Variants in DBH observed in about 807,000 individuals in gnomAD.
The protein encoded by DBH is dopamine beta-hydroxylase.
Under a neutral mutation model 64.0 loss-of-function variants are expected in DBH, and 49 were observed. That is an observed-to-expected ratio of 0.77 (90% CI 0.61 to 0.97). DBH has a LOEUF of 0.97. DBH is among the 50% of genes least tolerant of loss of function. DBH has a pLI of 0.00. For missense variants in DBH, 828 were observed against 826.6 expected (o/e 1.00, Z -0.02); for synonymous variants, 343 against 347.1 (o/e 0.99, Z 0.13).
chr9:133,654,303 C>T (rs1344607813), intron 9 of DBH, among the ~76,000 whole-genome samples: 11 of 152,016 alleles, frequency 7.2e-5, no homozygotes, highest in Non-Finnish European at 1.5e-4. Context: ...GGATTTTCAC[C>T]ATGTTGGCCA....
intron 3 of DBH, 137 bp downstream of exon 3, chr9:133,642,601 G>T: frequency 9.2e-7 from 1 of 1,090,812 alleles, no homozygotes; most frequent in Non-Finnish European, 1.3e-6. Flanking sequence ...TCAGGCACCT[G>T]CCTGAGCAGG....
chr9:133,654,083 C>T (rs2131292969), intron 9 of DBH, among the ~76,000 whole-genome samples: 1 of 149,034 alleles, frequency 6.7e-6, no homozygotes, highest in Middle Eastern at 3.4e-3. Context: ...TTTACTGAGC[C>T]CAGACTGCCA....
Position 133,658,602 on chromosome 9 carries a change from G to A in DBH, c.*155G>A. Reference sequence around the variant, plus strand: ...CTGCCTGAGACCACGGTCCAATCCAGCCTTCTTCCCCCAGGGTCCCCTGCA... The same window carrying A: ...CTGCCTGAGACCACGGTCCAATCCAACCTTCTTCCCCCAGGGTCCCCTGCA... On this transcript the variant is annotated 3_prime_UTR_variant, in exon 12 of 12. Coordinates refer to ENST00000393056, the MANE Select transcript of DBH (RefSeq NM_000787.4). The A allele has an allele frequency of 3.4e-6, 3 of 889,378 alleles. No individual in the cohort carries two copies. The highest frequency in any genetic ancestry group is 4.9e-6 in the Non-Finnish European group (3 of 613,522). The allele number at this position is 889,378 out of a possible 1,614,324, so 55.1% of individuals were successfully genotyped here.
At position 133,651,708 on chromosome 9, in the gene DBH, A is replaced by G. The variant is rs372641379; in HGVS notation, c.1266A>G (p.Thr422=). The part of the protein sequence containing the change: ...HTHLTGRKVV[T]VLVRDGREWE... Reference sequence around the variant, plus strand: ...ACCTGACTGGGAGAAAGGTGGTCACAGTGCTGGTCCGGGACGGCCGGGAGT... The same window carrying G: ...ACCTGACTGGGAGAAAGGTGGTCACGGTGCTGGTCCGGGACGGCCGGGAGT... The change falls in exon 7 of 12, where the codon ACA becomes ACG. Residue 422 remains threonine, a synonymous_variant. Coordinates refer to ENST00000393056, the MANE Select transcript of DBH (RefSeq NM_000787.4). 1.6e-5 allele frequency: 26 copies of G among 1,613,892 alleles called. No individual in the cohort carries two copies. Among genetic ancestry groups the G allele is most frequent in the African/African-American group, 2.7e-5 (2 of 74,932 alleles).
Position 133,642,284 on chromosome 9 carries a change from G to A in DBH, c.564G>A (p.Leu188=). 6.2e-7 allele frequency: 1 copy of A among 1,614,086 alleles called. No individual in the cohort carries two copies. Among genetic ancestry groups the A allele is most frequent in the South Asian group, 1.1e-5 (1 of 91,086 alleles). ...TGGAGGCCATCAACGGCTCGGGCCT[G>A]CAGATGGGGCTGCAGAGGGTGCAGC... The part of the protein sequence containing the change: ...RSLEAINGSG[L]QMGLQRVQLL... Residue 188 remains leucine, a synonymous_variant, in exon 3 of 12, where the codon CTG becomes CTA. Coordinates refer to ENST00000393056, the MANE Select transcript of DBH (RefSeq NM_000787.4).
At position 133,658,602 on chromosome 9, in the gene DBH, GCCTTCTTCCCCCAGGGTC is replaced by G; in HGVS notation, c.*158_*175del. The G allele has an allele frequency of 1.1e-6, 1 of 889,378 alleles. No homozygotes were observed. Among genetic ancestry groups the G allele is most frequent in the East Asian group, 2.8e-5 (1 of 35,596 alleles). 55.1% of individuals were successfully genotyped at this position (889,378 alleles called of 1,614,324 possible). On this transcript the variant is annotated 3_prime_UTR_variant, in exon 12 of 12. Coordinates refer to ENST00000393056, the MANE Select transcript of DBH (RefSeq NM_000787.4). The stretch of plus-strand genomic sequence containing the variant: ...CTGCCTGAGACCACGGTCCAATCCA[GCCTTCTTCCCCCAGGGTC>G]CCCTGCATGGCTGAGAGGGTGTGGG...
intron 6 of DBH, among the ~76,000 whole-genome samples, chr9:133,648,357 G>A (rs1179741017): frequency 1.2e-4 from 18 of 152,210 alleles, no homozygotes; most frequent in African/African-American, 3.1e-4. Flanking sequence ...TAAAGAGAAC[G>A]CTCCCCTCAT....
At position 133,658,418 on chromosome 9, in the gene DBH, G is replaced by A. The variant is rs141570582; in HGVS notation, c.1825G>A (p.Val609Ile). ...SQGRSPAGPT[V>I]VSIGGGKG is the part of the protein sequence containing the mutation. ...GGGCCGAAGCCCTGCTGGCCCCACC[G>A]TTGTCAGCATTGGTGGGGGCAAAGG... is the stretch of plus-strand genomic sequence containing the variant. Residue 609 changes from valine (V) to isoleucine (I), a missense_variant, in exon 12 of 12, where the codon GTT becomes ATT. Transcript: ENST00000393056. The A allele has an allele frequency of 5.3e-5, 86 of 1,612,804 alleles. No individual in the cohort carries two copies. Among genetic ancestry groups the A allele is most frequent in the Non-Finnish European group, 6.9e-5 (81 of 1,179,364 alleles).
Position 133,656,581 on chromosome 9 carries a change from C to T in DBH, c.1493C>T (p.Thr498Met), listed in dbSNP as rs78512658. 6.0e-5 allele frequency: 97 copies of T among 1,613,742 alleles called. No homozygotes were observed. Among genetic ancestry groups the T allele is most frequent in the African/African-American group, 2.7e-4 (20 of 74,924 alleles). Residue 498 changes from threonine (T) to methionine (M), a missense_variant, in exon 10 of 12, where the codon ACG becomes ATG. Thr to Met is a moderately conservative substitution (Grantham distance 81). Coordinates refer to ENST00000393056, the MANE Select transcript of DBH (RefSeq NM_000787.4). ...CVNYVHYYPQTQLELCKSAVD... is the reference protein window; with the variant it reads ...CVNYVHYYPQMQLELCKSAVD... Reference sequence around the variant, plus strand: ...AACTACGTGCACTACTACCCCCAGACGCAGCTGGAGCTCTGCAAGAGCGCT... The same window carrying T: ...AACTACGTGCACTACTACCCCCAGATGCAGCTGGAGCTCTGCAAGAGCGCT...
chr9:133,652,855 G>C (rs981153162), intron 8 of DBH, 85 bp from the exon 9 acceptor site: 1 of 907,180 alleles, frequency 1.1e-6, no homozygotes, highest in Non-Finnish European at 1.9e-6. Flanking sequence ...GGCATGCACA[G>C]TGGCGTGGTC....
At chr9:133,646,328 ATGTCCG>A (rs1341149032) in intron 5 of DBH, among the ~76,000 whole-genome samples, 3 of 32,452 alleles carry the variant, frequency 9.2e-5, no homozygotes, top group Admixed American at 1.9e-4. Flanking sequence ...CCACCCCGCC[ATGTCCG>A]CCATGTCCAC....
At chr9:133,640,935 C>G (rs1201179872) in intron 2 of DBH, among the ~76,000 whole-genome samples, 1 of 152,178 alleles carries the variant, frequency 6.6e-6, no homozygotes, top group Non-Finnish European at 1.5e-5. Flanking sequence ...CTGGTGGGCT[C>G]TGGGTGGCCG....
chr9:133,652,885 A>T, intron 8 of DBH, 55 bp from the exon 9 acceptor site: 1 of 1,363,022 alleles, frequency 7.3e-7, no homozygotes, highest in Non-Finnish European at 1.1e-6. Flanking sequence ...CGAGGCCTCC[A>T]GCACCTGCCA....
chr9:133,654,848 GTGAC>G (rs1202439962), intron 9 of DBH: 4 of 152,152 alleles, frequency 2.6e-5, no homozygotes, highest in African/African-American at 9.6e-5. Flanking sequence ...CACCTGTGCA[GTGAC>G]TGAGTGGGCT....
chr9:133,652,345 C>CT, intron 8 of DBH, 61 bp downstream of exon 8: 1 of 1,578,728 alleles, frequency 6.3e-7, no homozygotes, highest in Non-Finnish European at 8.7e-7. Flanking sequence ...GCTGAGAGGG[C>CT]TGGGGGTGCC....
rs146295343 is a variant in DBH, at chr9:133,639,910, A to G, written c.404A>G (p.Gln135Arg). ...CCCCAGCAGGACTACCAGCTGCTGC[A>G]GGTGCAGAGGACCCCAGAAGGCCTG... ...LDPQQDYQLL[Q>R]VQRTPEGLTL... Residue 135 changes from glutamine (Q) to arginine (R), a missense_variant, in exon 2 of 12, where the codon CAG becomes CGG. Transcript: ENST00000393056. 3.7e-6 allele frequency: 6 copies of G among 1,613,472 alleles called. No individual in the cohort carries two copies. The African/African-American group carries it at 8.0e-5, about 21-fold the overall frequency.
chr9:133,649,270 CAT>C (rs1832217997), intron 6 of DBH, among the ~76,000 whole-genome samples: 1 of 152,124 alleles, frequency 6.6e-6, no homozygotes, highest in Non-Finnish European at 1.5e-5. Context: ...GATGTTATTT[CAT>C]AGTTTGTGTA....
At chr9:133,656,192 C>T (rs548728661) in intron 9 of DBH, 9 of 355,374 alleles carry the variant, frequency 2.5e-5, no homozygotes, top group African/African-American at 6.3e-5. Flanking sequence ...GTGGCCACCA[C>T]GGGGCATCCC....
rs535162716 is a variant in DBH at position 133,646,670 on chromosome 9, C to T, written c.1025-1176C>T. Among the ~76,000 whole-genome samples, 10 of 144,832 alleles carry T rather than the reference C, an allele frequency of 6.9e-5. No individual in the cohort carries two copies. In the East Asian group the frequency reaches 1.2e-3, roughly 17 times the overall value. The stretch of plus-strand genomic sequence containing the variant: ...TCCTGAGTAGCTGGGATTATAGGTG[C>T]GTGCCACCACACCTGGCTAATTTTT... On this transcript the variant is annotated intron_variant, in intron 5 of 11. Coordinates refer to ENST00000393056, the MANE Select transcript of DBH (RefSeq NM_000787.4).
Sources: gnomAD v4.1 joint callset for allele counts (sites outside exome capture counted in the v4.1 genomes callset) on GRCh38, gnomAD v4.1.1 for gene constraint, MANE v1.5 for transcripts, NCBI Gene and HGNC (gene_info 2026-07-23, HGNC 2026-07-21) for gene names.